EMSY: variants seen among roughly 807,000 people sequenced by gnomAD.
The protein encoded by EMSY is EMSY transcriptional repressor, BRCA2 interacting, also known as BRCA2-interacting transcriptional repressor EMSY.
Under a neutral mutation model 134.6 loss-of-function variants are expected in EMSY, and 26 were observed. The ratio of observed to expected loss-of-function variants is 0.19; its 90% CI spans 0.14 to 0.27. The LOEUF (loss-of-function observed/expected upper bound fraction) is 0.27, where lower values mean the gene tolerates loss of function less well. Among genes scored for constraint, EMSY ranks in the 10% least tolerant of loss-of-function variants. The pLI is 1.00. For synonymous variants in EMSY, 579 were observed against 577.8 expected (o/e 1.00, Z -0.03); for missense variants, 1,305 against 1,611.4 (o/e 0.81, Z 3.26).
chr11:76,524,586 G>A lies in EMSY; in HGVS notation c.1821+1295G>A, dbSNP rs552707083. 1.6e-4 allele frequency among the ~76,000 whole-genome samples: 25 copies of A among 152,310 alleles called. No homozygotes were observed. The South Asian group carries it at 1.9e-3, about 11-fold the overall frequency. ...TATGGTTTGCAATTTCAAAGAACTT[G>A]ATATGTAAGAGGGGATGCTTTGTAT... On this transcript the variant is annotated intron_variant, in intron 12 of 20. Coordinates refer to ENST00000334736, the Ensembl canonical transcript of EMSY.
rs181495740 is a variant in EMSY at position 76,489,519 on chromosome 11, G to C, written c.1109-6696G>C. ...TTCCTTTTTATCTCTGGTAACCCTT[G>C]ATGTTATCACCAGTGTTTCCATGTC... On this transcript the variant is annotated intron_variant, in intron 8 of 20. Coordinates refer to ENST00000334736, the Ensembl canonical transcript of EMSY. 1.1e-4 allele frequency among the ~76,000 whole-genome samples: 16 copies of C among 151,136 alleles called. No individual in the cohort carries two copies. In the South Asian group the frequency reaches 1.7e-3, roughly 16 times the overall value.
intron 20 of EMSY, chr11:76,547,250 A>G (rs1010833388): frequency 3.7e-6 from 1 of 271,882 alleles, no homozygotes. Flanking sequence ...ATTATGGTAA[A>G]CTTTCTCTTT....
At position 76,454,808 on chromosome 11, in the gene EMSY, T is replaced by C; in HGVS notation, c.245+1420T>C. On this transcript the variant is annotated intron_variant, in intron 4 of 20. Transcript: ENST00000334736. ...AGTTACAGGTATGCAAATAGGTTAT[T>C]ATTATTTCAGGCTTTTTCTTGTATT... The C allele has an allele frequency of 7.0e-7, 1 of 1,429,074 alleles. No individual in the cohort carries two copies. Among genetic ancestry groups the C allele is most frequent in the South Asian group, 1.3e-5 (1 of 77,666 alleles). The allele number at this position is 1,429,074 out of a possible 1,614,324, so 88.5% of individuals were successfully genotyped here.
At chr11:76,452,065 G>A (rs1947692310) in intron 3 of EMSY, 108 bp downstream of exon 3, 1 of 665,040 alleles carries the variant, frequency 1.5e-6, no homozygotes, top group African/African-American at 1.9e-5. Flanking sequence ...AAGAACAGAG[G>A]TGTTCAAATT....
At chr11:76,511,706 T>TA (rs1950284279) in intron 9 of EMSY, among the ~76,000 whole-genome samples, 1 of 151,944 alleles carries the variant, frequency 6.6e-6, no homozygotes, top group South Asian at 2.1e-4. Context: ...CTCAAAATAA[T>TA]AATAATAATA....
chr11:76,526,484 T>C (rs1284658569), exon 13 of EMSY: 1 of 1,612,572 alleles, frequency 6.2e-7, no homozygotes, highest in East Asian at 2.2e-5. Context: ...ATTCAGACAG[T>C]GCCAACAGGA....
At chr11:76,465,986 G>A (rs1590810910) in intron 7 of EMSY, among the ~76,000 whole-genome samples, 1 of 152,096 alleles carries the variant, frequency 6.6e-6, no homozygotes, top group South Asian at 2.1e-4. Flanking sequence ...CTCCTGCCTC[G>A]AGTAATATAA....
chr11:76,536,496 C>T (rs773170837), intron 15 of EMSY, among the ~76,000 whole-genome samples: 12 of 152,194 alleles, frequency 7.9e-5, no homozygotes, highest in Non-Finnish European at 1.6e-4. Flanking sequence ...CACAAAACAC[C>T]TTTAGTGGCC....
At chr11:76,473,696 A>G (rs1393401543) in intron 8 of EMSY, among the ~76,000 whole-genome samples, 1 of 152,164 alleles carries the variant, frequency 6.6e-6, no homozygotes, top group Non-Finnish European at 1.5e-5. Context: ...ATTGCTGCTT[A>G]ATAGCAGAGT....
intron 16 of EMSY, among the ~76,000 whole-genome samples, chr11:76,538,913 A>G (rs1014178212): frequency 7.9e-5 from 12 of 152,266 alleles, no homozygotes; most frequent in Non-Finnish European, 1.8e-4. Context: ...AGCTGAGACT[A>G]TGCCACTGCA....
rs775306315 is a variant in EMSY at position 76,544,242 on chromosome 11, G to A, written c.2710-17G>A. The A allele has an allele frequency of 6.3e-7, 1 of 1,581,946 alleles. No individual in the cohort carries two copies. The highest frequency in any genetic ancestry group is 1.8e-5 in the Admixed American group (1 of 56,012). ...GTTTTTCTTATTTCATTCTTACTTT[G>A]TGCCTTTTTTACTTAGGCATTAAGC... On this transcript the variant is annotated splice_polypyrimidine_tract_variant and intron_variant, in intron 18 of 20. Transcript: ENST00000334736.
chr11:76,461,254 A>G (rs1038210549), intron 6 of EMSY, among the ~76,000 whole-genome samples: 2 of 152,106 alleles, frequency 1.3e-5, no homozygotes, highest in Non-Finnish European at 2.9e-5. Context: ...ATTTTTCTCA[A>G]TATGGTTATA....
intron 8 of EMSY, among the ~76,000 whole-genome samples, chr11:76,474,667 G>A (rs1005068155): frequency 6.6e-6 from 1 of 152,126 alleles, no homozygotes; most frequent in Non-Finnish European, 1.5e-5. Context: ...AGAAGTAGCA[G>A]TCTTCAAATT....
chr11:76,548,202 G>A (rs1354388706), intron 20 of EMSY, among the ~76,000 whole-genome samples: 2 of 152,262 alleles, frequency 1.3e-5, no homozygotes, highest in Non-Finnish European at 2.9e-5. Context: ...TATTGTTAGA[G>A]CATTTTCAGG....
chr11:76,513,575 A>G (rs1950349610), intron 10 of EMSY, 40 bp downstream of exon 11: 2 of 1,599,044 alleles, frequency 1.3e-6, no homozygotes, highest in South Asian at 1.1e-5. Context: ...TTCATCATAC[A>G]TTCATCAAAC....
rs746770001 is a variant in EMSY, at chr11:76,536,074, G to A, written c.2359+15G>A. 1 of 1,498,176 alleles carries A rather than the reference G, an allele frequency of 6.7e-7. No individual in the cohort carries two copies. The highest frequency in any genetic ancestry group is 1.4e-5 in the African/African-American group (1 of 71,542). The allele number at this position is 1,498,176 out of a possible 1,614,324, so 92.8% of individuals were successfully genotyped here. A position where few individuals can be genotyped will look rare whatever the true frequency, so the allele number is the denominator to read the frequency against. On this transcript the variant is annotated intron_variant, in intron 15 of 20. Transcript: ENST00000334736. ...ACAGACAACAGGTATGAATTCACAT[G>A]CTCAATTGAATGAAGCATGTTTTCT...
intron 9 of EMSY, chr11:76,497,188 A>AT (rs1949690643): frequency 6.6e-6 from 1 of 151,982 alleles, no homozygotes; most frequent in Non-Finnish European, 1.5e-5. Context: ...ATATTGATTG[A>AT]TTTTCTGTTA....
At chr11:76,454,456 A>G (rs1947792421) in intron 4 of EMSY, among the ~76,000 whole-genome samples, 3 of 152,086 alleles carry the variant, frequency 2.0e-5, no homozygotes, top group Admixed American at 2.0e-4. Flanking sequence ...AAACACTCAG[A>G]TATTAGTCAA....
At chr11:76,548,947 G>A (rs1490376692) in intron 20 of EMSY, among the ~76,000 whole-genome samples, 3 of 152,178 alleles carry the variant, frequency 2.0e-5, no homozygotes, top group African/African-American at 7.2e-5. Context: ...AAAGCTCTGG[G>A]CATCTAGCAA....
Sources: gnomAD v4.1 joint callset for allele counts (sites outside exome capture counted in the v4.1 genomes callset) on GRCh38, gnomAD v4.1.1 for gene constraint, MANE v1.5 for transcripts, NCBI Gene and HGNC (gene_info 2026-07-23, HGNC 2026-07-21) for gene names.